The following PDXDC1 variants were observed in gnomAD, a reference collection of about 807,000 sequenced individuals.
The protein encoded by PDXDC1 is pyridoxal dependent decarboxylase domain containing 1.
A neutral mutation model predicts 100.1 loss-of-function variants in PDXDC1; 42 were observed. That is an observed-to-expected ratio of 0.42 (90% CI 0.33 to 0.54). The LOEUF is 0.54. PDXDC1 is among the 20% of genes least tolerant of loss of function. The pLI is 0.10. For synonymous variants in PDXDC1, 260 were observed against 371.7 expected, an observed-to-expected ratio of 0.70 and a Z score of 3.46; for missense variants, 636 against 979.2, an observed-to-expected ratio of 0.65 and a Z score of 4.68.
rs1315106619 is a variant in PDXDC1 at position 15,019,070 on chromosome 16, G to C, written c.1089+105G>C. 4 of 1,541,808 alleles carry C rather than the reference G, an allele frequency of 2.6e-6. No individual in the cohort carries two copies. In the East Asian group the frequency reaches 6.9e-5, roughly 27 times the overall value. ...CATCCAGAGTGGTGTTGTCTGGATT[G>C]ACTGTCTCGTGAGCCAGAGACTAAT... On this transcript the variant is annotated intron_variant, in intron 12 of 22. Transcript: ENST00000396410.
At chr16:15,102,895 C>A (rs1487081634) in intron 16 of PDXDC1, among the ~76,000 whole-genome samples, 1 of 149,170 alleles carries the variant, frequency 6.7e-6, no homozygotes, top group Non-Finnish European at 1.5e-5. Context: ...GCTGATTGAG[C>A]CATTGCACTC....
At chr16:15,095,085 G>T (rs1201636474) in intron 16 of PDXDC1, among the ~76,000 whole-genome samples, 2 of 152,036 alleles carry the variant, frequency 1.3e-5, no homozygotes, top group East Asian at 1.9e-4. Flanking sequence ...TCATCCGCCC[G>T]CCTCGGCCTC....
rs566100504 is a variant in PDXDC1 at position 15,035,859 on chromosome 16, G to A, written c.2108-157G>A. On this transcript the variant is annotated intron_variant, in intron 22 of 22. Transcript: ENST00000396410. ...GGAGCATGTTGGTGTCAAGCTAGCA[G>A]CTCTCGGTTTTCTCATCTCCTAAAA... Among the ~76,000 whole-genome samples, 12 of 152,264 alleles carry A rather than the reference G, an allele frequency of 7.9e-5. No homozygotes were observed. In the South Asian group the frequency reaches 2.3e-3, roughly 29 times the overall value.
At chr16:15,021,470 C>T (rs1340605954) in intron 12 of PDXDC1, among the ~76,000 whole-genome samples, 1 of 152,282 alleles carries the variant, frequency 6.6e-6, no homozygotes, top group Non-Finnish European at 1.5e-5. Context: ...GTGCTATTAG[C>T]TCACTTCTTG....
At chr16:14,984,452 A>AGT (rs1968798994) in intron 1 of PDXDC1, among the ~76,000 whole-genome samples, 9 of 87,822 alleles carry the variant, frequency 1.0e-4, no homozygotes, top group East Asian at 4.4e-4. Flanking sequence ...AGAGAGAGAG[A>AGT]GAGTGTGTGT....
At chr16:15,088,214 TG>T (rs1567223377) in intron 16 of PDXDC1, among the ~76,000 whole-genome samples, 1 of 152,172 alleles carries the variant, frequency 6.6e-6, no homozygotes. Context: ...GGCTCATGCC[TG>T]TAATCCCAGC....
rs1405105717 is a variant in PDXDC1 at position 15,063,128 on chromosome 16, A to C, written c.1399+33072A>C. The C allele has an allele frequency of 2.5e-6, 3 of 1,195,964 alleles. No homozygotes were observed. The African/African-American group carries it at 4.5e-5, about 18-fold the overall frequency. 74.1% of individuals were successfully genotyped at this position (1,195,964 alleles called of 1,614,324 possible). A position where few individuals can be genotyped will look rare whatever the true frequency, so the allele number is the denominator to read the frequency against. On this transcript the variant is annotated intron_variant, in intron 16 of 16. Coordinates refer to the PDXDC1 transcript ENST00000535621. ...TACACGCACGAACGACTTGCCACTT[A>C]CTATCTCACTGTGACCTGGAACCAG...
At chr16:15,025,412 ACCGCCCCCCTGCCGC>A (rs1178435779) in intron 13 of PDXDC1, 1 of 152,488 alleles carries the variant, frequency 6.6e-6, no homozygotes, top group African/African-American at 2.4e-5. Flanking sequence ...AATATTAAGC[ACCGCCCCCCTGCCGC>A]CCGCCGCCGT....
intron 16 of PDXDC1, among the ~76,000 whole-genome samples, chr16:15,052,935 C>T (rs993379861): frequency 6.6e-6 from 1 of 152,102 alleles, no homozygotes; most frequent in African/African-American, 2.4e-5. Context: ...GACTGGTTAC[C>T]GAGTACCCAG....
At chr16:15,007,398 TCTC>T (rs2040874971) in intron 6 of PDXDC1, among the ~76,000 whole-genome samples, 1 of 152,238 alleles carries the variant, frequency 6.6e-6, no homozygotes, top group African/African-American at 2.4e-5. Context: ...ATGGTGTCGA[TCTC>T]CTGGCCTCGT....
At chr16:15,087,991 G>C (rs887482412) in intron 16 of PDXDC1, among the ~76,000 whole-genome samples, 1 of 152,064 alleles carries the variant, frequency 6.6e-6, no homozygotes, top group Non-Finnish European at 1.5e-5. Flanking sequence ...GTGCATGCCC[G>C]TAATCCCAGC....
chr16:15,145,811 C>A, the PDXDC1 span, among the ~76,000 whole-genome samples: 1 of 152,246 alleles, frequency 6.6e-6, no homozygotes, highest in East Asian at 1.9e-4. Context: ...CCTCAGCCAG[C>A]TGGAGCGCAG....
In PDXDC1 at chr16:15,038,081, T is replaced by TGTAGA. The variant is rs2043608125; in HGVS notation, c.*1811_*1815dup. The TGTAGA allele has an allele frequency of 6.2e-7, 1 of 1,612,488 alleles. No homozygotes were observed. The highest frequency in any genetic ancestry group is 2.2e-5 in the East Asian group (1 of 44,860). Reference sequence around the variant, plus strand: ...TCCCACAAGCCATCTTCATTTTTTTTGTAGAGTAGGGCTTTATTTCCAGAA... The same window carrying TGTAGA: ...TCCCACAAGCCATCTTCATTTTTTTTGTAGAGTAGAGTAGGGCTTTATTTCCAGAA... On this transcript the variant is annotated 3_prime_UTR_variant, in exon 23 of 23. Coordinates refer to ENST00000396410, the MANE Select transcript of PDXDC1 (RefSeq NM_015027.4).
At chr16:15,046,207 G>A (rs2044054020) in intron 16 of PDXDC1, among the ~76,000 whole-genome samples, 1 of 152,246 alleles carries the variant, frequency 6.6e-6, no homozygotes, top group Admixed American at 6.5e-5. Context: ...ACCACAGAGG[G>A]AGAATTTAGA....
At chr16:15,133,703 C>A (rs1207635521) in intron 16 of PDXDC1, 10 of 1,602,866 alleles carry the variant, frequency 6.2e-6, no homozygotes, top group Non-Finnish European at 8.5e-6. Context: ...GTCATGCCAG[C>A]CTGAGGGACG....
At chr16:15,049,623 G>C (rs926617860) in intron 16 of PDXDC1, among the ~76,000 whole-genome samples, 1 of 151,062 alleles carries the variant, frequency 6.6e-6, no homozygotes, top group Non-Finnish European at 1.5e-5. Context: ...ACTGGGTTTC[G>C]CCATGTTGGC....
chr16:15,144,142 C>T (rs1158870802), downstream of PDXDC1, among the ~76,000 whole-genome samples: 1 of 152,146 alleles, frequency 6.6e-6, no homozygotes, highest in Non-Finnish European at 1.5e-5. Flanking sequence ...CCCCCAGGCC[C>T]GTCCCTCCCG....
At position 15,101,184 on chromosome 16, in the gene PDXDC1, G is replaced by A. The variant is rs138273257; in HGVS notation, c.1400-37695G>A. Among the ~76,000 whole-genome samples the A allele has an allele frequency of 3.3e-3, 508 of 152,274 alleles. 1 individual carries two copies. The highest frequency in any genetic ancestry group is 5.6e-3 in the Non-Finnish European group (382 of 68,028). ...TGTCACGGTGTACAGGACAGGGCAG[G>A]TTCTCCGTAAATGACAGTATTTGCC... On this transcript the variant is annotated intron_variant, in intron 16 of 16. Transcript: ENST00000535621.
At chr16:14,983,781 G>A (rs538842727) in intron 1 of PDXDC1, among the ~76,000 whole-genome samples, 29 of 152,352 alleles carry the variant, frequency 1.9e-4, no homozygotes, top group African/African-American at 5.0e-4. Context: ...TTGAGGAACC[G>A]TTTACTTACA....
Sources: allele counts gnomAD v4.1 joint callset (sites outside exome capture counted in the v4.1 genomes callset), GRCh38; gene constraint gnomAD v4.1.1; transcripts MANE v1.5; gene names NCBI Gene and HGNC (gene_info 2026-07-23, HGNC 2026-07-21).